The following CLSTN2 variants were observed in gnomAD, a reference collection of about 807,000 sequenced individuals.
CLSTN2 encodes calsyntenin-2.
A neutral mutation model predicts 101.2 loss-of-function variants in CLSTN2; 48 were observed. The ratio of observed to expected loss-of-function variants is 0.47; its 90% CI spans 0.38 to 0.60. The LOEUF (loss-of-function observed/expected upper bound fraction) is 0.60, where lower values mean the gene tolerates loss of function less well. CLSTN2 is among the 20% of genes least tolerant of loss of function. The pLI is 0.00. For synonymous variants in CLSTN2, 481 were observed against 463.6 expected (o/e 1.04, Z -0.48); for missense variants, 1,160 against 1,238.2 (o/e 0.94, Z 0.95).
intron 2 of CLSTN2, among the ~76,000 whole-genome samples, 158 bp downstream of exon 2, chr3:140,176,231 G>A (rs2010322551): frequency 6.6e-6 from 1 of 152,192 alleles, no homozygotes; most frequent in Admixed American, 6.5e-5. Flanking sequence ...TTATTTCTGG[G>A]ATGGATTCTG....
chr3:140,147,152 C>T (rs895379629), intron 1 of CLSTN2, among the ~76,000 whole-genome samples: 1 of 152,334 alleles, frequency 6.6e-6, no homozygotes, highest in East Asian at 1.9e-4. Flanking sequence ...AGACTACTTC[C>T]GTGCATTTAG....
intron 1 of CLSTN2, among the ~76,000 whole-genome samples, chr3:140,030,235 C>T (rs1010072846): frequency 6.0e-4 from 92 of 152,124 alleles, no homozygotes; most frequent in Non-Finnish European, 8.1e-4. Context: ...ACATCCTTTG[C>T]AATCCTGTTG....
At chr3:140,230,194 G>A (rs2086357976) in intron 2 of CLSTN2, among the ~76,000 whole-genome samples, 1 of 152,090 alleles carries the variant, frequency 6.6e-6, no homozygotes, top group Non-Finnish European at 1.5e-5. Flanking sequence ...TTTTGGCATG[G>A]TTGCTGATGT....
At chr3:140,291,848 C>G (rs987707283) in intron 2 of CLSTN2, among the ~76,000 whole-genome samples, 5 of 151,952 alleles carry the variant, frequency 3.3e-5, no homozygotes, top group Non-Finnish European at 5.9e-5. Context: ...TTCCTCTGCC[C>G]ATTAACACCA....
At chr3:139,946,401 G>T (rs904918759) in intron 1 of CLSTN2, among the ~76,000 whole-genome samples, 2 of 152,184 alleles carry the variant, frequency 1.3e-5, no homozygotes, top group Non-Finnish European at 2.9e-5. Flanking sequence ...GTCCAAGTGG[G>T]TATGGGTGGC....
chr3:140,216,218 A>AC (rs1302806785), intron 2 of CLSTN2, among the ~76,000 whole-genome samples: 1 of 151,184 alleles, frequency 6.6e-6, no homozygotes, highest in African/African-American at 2.4e-5. Context: ...CCCGCCTCCC[A>AC]CCCCCATCCA....
chr3:139,987,920 T>C (rs1391451585), intron 1 of CLSTN2, among the ~76,000 whole-genome samples: 1 of 152,140 alleles, frequency 6.6e-6, no homozygotes, highest in African/African-American at 2.4e-5. Context: ...CAAACCACAG[T>C]GACGAGACAA....
chr3:139,937,817 TGA>T (rs1375562322), intron 1 of CLSTN2, among the ~76,000 whole-genome samples: 1 of 152,072 alleles, frequency 6.6e-6, no homozygotes, highest in Non-Finnish European at 1.5e-5. Flanking sequence ...CCCTGCAGAT[TGA>T]GAGTTAACTG....
At chr3:140,031,712 A>G (rs1292607952) in intron 1 of CLSTN2, among the ~76,000 whole-genome samples, 1 of 152,362 alleles carries the variant, frequency 6.6e-6, no homozygotes, top group East Asian at 1.9e-4. Flanking sequence ...GATGCGATGG[A>G]GAAGACACAG....
intron 1 of CLSTN2, among the ~76,000 whole-genome samples, chr3:139,980,143 T>C (rs1392560865): frequency 6.6e-6 from 1 of 152,090 alleles, no homozygotes; most frequent in Non-Finnish European, 1.5e-5. Flanking sequence ...GTTCCCACCC[T>C]AGGCCCCCAG....
At chr3:140,150,952 A>G (rs1221838172) in intron 1 of CLSTN2, among the ~76,000 whole-genome samples, 1 of 151,610 alleles carries the variant, frequency 6.6e-6, no homozygotes, top group African/African-American at 2.4e-5. Flanking sequence ...ATCTAATTTT[A>G]TATGGCACCT....
intron 6 of CLSTN2, among the ~76,000 whole-genome samples, chr3:140,455,023 C>A (rs1933362831): frequency 6.6e-6 from 1 of 152,230 alleles, no homozygotes; most frequent in Non-Finnish European, 1.5e-5. Context: ...CAAGCTTCTT[C>A]CTTCAGAAAA....
intron 1 of CLSTN2, among the ~76,000 whole-genome samples, chr3:140,006,966 A>T (rs2006971461): frequency 6.6e-6 from 1 of 152,216 alleles, no homozygotes; most frequent in Admixed American, 6.5e-5. Context: ...TTAATGCAAA[A>T]ATCCATGATA....
intron 1 of CLSTN2, among the ~76,000 whole-genome samples, chr3:140,103,444 G>A (rs2009001562): frequency 6.6e-6 from 1 of 152,138 alleles, no homozygotes; most frequent in Non-Finnish European, 1.5e-5. Context: ...AACCTCCCAC[G>A]ACTGCCATAG....
chr3:140,083,215 G>T (rs1182044785), intron 1 of CLSTN2, among the ~76,000 whole-genome samples: 1 of 151,884 alleles, frequency 6.6e-6, no homozygotes, highest in Non-Finnish European at 1.5e-5. Context: ...GTCTTCTCAA[G>T]ACTGTAAGCT....
At chr3:140,154,409 A>G (rs1235283696) in intron 1 of CLSTN2, among the ~76,000 whole-genome samples, 2 of 151,898 alleles carry the variant, frequency 1.3e-5, no homozygotes, top group South Asian at 2.1e-4. Flanking sequence ...GGTATAATAA[A>G]CCATGAGAAG....
intron 2 of CLSTN2, among the ~76,000 whole-genome samples, chr3:140,240,199 T>C (rs867716786): frequency 0.071 from 1,101 of 15,438 alleles, 50 homozygotes; most frequent in African/African-American, 0.13. Flanking sequence ...TATATATATA[T>C]ACACACACAC....
Position 140,532,549 on chromosome 3 carries a change from A to T in CLSTN2, c.1507+63A>T. On this transcript the variant is annotated intron_variant, in intron 9 of 16. Coordinates refer to ENST00000458420, the MANE Select transcript of CLSTN2 (RefSeq NM_022131.3). ...TGAATAGTTCTTGGAAGATACTTGT[A>T]GAGAAAAAGGAAAAGCAAGTGGTGT... 3 of 1,423,098 alleles carry T rather than the reference A, an allele frequency of 2.1e-6. No individual in the cohort carries two copies. The South Asian group carries it at 4.9e-5, about 23-fold the overall frequency. 88.2% of individuals were successfully genotyped at this position (1,423,098 alleles called of 1,614,324 possible).
intron 2 of CLSTN2, among the ~76,000 whole-genome samples, chr3:140,254,810 AC>A (rs1198922926): frequency 2.1e-4 from 32 of 152,218 alleles, no homozygotes; most frequent in African/African-American, 7.2e-4. Flanking sequence ...ATTGCAGCAA[AC>A]ACAAAAATTG....
Sources: allele counts gnomAD v4.1 joint callset (sites outside exome capture counted in the v4.1 genomes callset), GRCh38; gene constraint gnomAD v4.1.1; transcripts MANE v1.5; gene names NCBI Gene and HGNC (gene_info 2026-07-23, HGNC 2026-07-21).